Variants in KLHL35 observed in about 807,000 individuals in gnomAD.
KLHL35 encodes the protein kelch-like protein 35.
A neutral mutation model predicts 44.0 loss-of-function variants in KLHL35; 50 were observed. The observed-to-expected ratio is 1.14, with a 90% confidence interval of 0.91 to 1.44. The LOEUF is 1.44. Ranked by LOEUF, KLHL35 falls within the 40% of genes most tolerant of loss-of-function variation. KLHL35 has a pLI of 0.00. For missense variants in KLHL35, 1,049 were observed against 887.8 expected, an observed-to-expected ratio of 1.18 and a Z score of -2.31; for synonymous variants, 470 against 410.4, an observed-to-expected ratio of 1.15 and a Z score of -1.76.
intron 5 of KLHL35, 36 bp from the exon 6 acceptor site, chr11:75,423,916 G>A (rs1192087767): frequency 1.7e-5 from 25 of 1,482,478 alleles, no homozygotes; most frequent in Middle Eastern, 2.0e-4. Context: ...AAGACTCACC[G>A]CCCCCCCCAA....
At position 75,422,467 on chromosome 11, in the gene KLHL35, A is replaced by C; in HGVS notation, c.*113T>G. 1.1e-6 allele frequency: 1 copy of C among 924,254 alleles called. No individual in the cohort carries two copies. The highest frequency in any genetic ancestry group is 1.6e-6 in the Non-Finnish European group (1 of 618,620). The allele number at this position is 924,254 out of a possible 1,614,324, so 57.3% of individuals were successfully genotyped here. On this transcript the variant is annotated 3_prime_UTR_variant, in exon 7 of 7. Coordinates refer to ENST00000539798, the MANE Select transcript of KLHL35 (RefSeq NM_001039548.3). ...CCAACAAGATTTTATTTATACAAGA[A>C]AAGGGACCATTAAGTTAAGGGCTGT... is the stretch of plus-strand genomic sequence containing the variant.
intron 1 of KLHL35, among the ~76,000 whole-genome samples, chr11:75,431,960 T>C (rs978409849): frequency 1.3e-5 from 2 of 152,162 alleles, no homozygotes; most frequent in Non-Finnish European, 2.9e-5. Flanking sequence ...CCCTTTAGTT[T>C]GTCATAAGGG....
chr11:75,423,170 C>CT (rs1554991839), intron 6 of KLHL35: 1 of 214,914 alleles, frequency 4.7e-6, no homozygotes, highest in Non-Finnish European at 9.4e-6. Flanking sequence ...AATCTCACCT[C>CT]TAAGGTCACC....
intron 1 of KLHL35, among the ~76,000 whole-genome samples, chr11:75,431,565 C>T (rs982677619): frequency 3.9e-5 from 6 of 152,234 alleles, no homozygotes; most frequent in African/African-American, 1.2e-4. Context: ...GGAAGCTGGC[C>T]CTCTCTCTAG....
rs2135084644 is a variant in KLHL35, at chr11:75,430,065, C to T, written c.565G>A (p.Ala189Thr). The change falls in exon 2 of 7, where the codon GCC becomes ACC. Residue 189 changes from alanine to threonine, a missense_variant. Coordinates refer to ENST00000539798, the MANE Select transcript of KLHL35 (RefSeq NM_001039548.3). ...RQAFAEVARH[A>T]DFLELAPDEV... ...TCAGGCGCCAGCTCCAGGAAGTCGG[C>T]GTGGCGCGCCACCTCGGCGAAGGCC... 1 of 1,393,810 alleles carries T rather than the reference C, an allele frequency of 7.2e-7. No individual in the cohort carries two copies. Among genetic ancestry groups the T allele is most frequent in the South Asian group, 1.5e-5 (1 of 66,562 alleles). The allele number at this position is 1,393,810 out of a possible 1,614,324, so 86.3% of individuals were successfully genotyped here.
intron 2 of KLHL35, 68 bp downstream of exon 2, chr11:75,429,677 TGAAA>T: frequency 1.5e-6 from 2 of 1,376,378 alleles, no homozygotes; most frequent in Non-Finnish European, 1.9e-6. Flanking sequence ...TAAAAGATGA[TGAAA>T]GAATGAATGA....
chr11:75,424,880 A>T (rs1948476955), intron 5 of KLHL35: 1 of 152,982 alleles, frequency 6.5e-6, no homozygotes, highest in African/African-American at 2.4e-5. Context: ...TAAAGTTGAT[A>T]ATCACGTGGA....
rs1948519948 is a variant in KLHL35, at chr11:75,429,929, T to C, written c.701A>G (p.Gln234Arg). 15 of 1,469,050 alleles carry C rather than the reference T, an allele frequency of 1.0e-5. No individual in the cohort carries two copies. Among genetic ancestry groups the C allele is most frequent in the East Asian group, 3.0e-5 (1 of 33,594 alleles). 91.0% of individuals were successfully genotyped at this position (1,469,050 alleles called of 1,614,324 possible). Residue 234 changes from glutamine to arginine, a missense_variant, in exon 2 of 7, where the codon CAG becomes CGG. Transcript: ENST00000539798. ...VRHDAPARRG[Q>R]LRRLLEHVRL... is the part of the protein sequence containing the mutation. ...CACGTGCTCCAGCAGGCGTCGCAGC[T>C]GGCCGCGGCGGGCCGGCGCGTCGTG...
At chr11:75,426,399 C>A (rs972900900) in intron 4 of KLHL35, 121 bp downstream of exon 4, 4 of 602,506 alleles carry the variant, frequency 6.6e-6, no homozygotes, top group Non-Finnish European at 8.7e-6. Flanking sequence ...TTGGACAAGT[C>A]TCCTTTTTTG....
chr11:75,425,043 T>A (rs373235619), intron 5 of KLHL35: 1 of 33,942 alleles, frequency 2.9e-5, no homozygotes, highest in Non-Finnish European at 5.2e-5. Flanking sequence ...GATTATGGGT[T>A]TTTTTTTTTT....
Position 75,430,444 on chromosome 11 carries a change from G to C in KLHL35, c.186C>G (p.Gly62=). ...FPCHRAALSA[G]SAYFRSLFAA... is the part of the protein sequence containing the mutation. Reference sequence around the variant, plus strand: ...CGAACAAGCTGCGGAAGTAGGCGCTGCCCGCGCTGAGCGCCGCGCGGTGGC... The same window carrying C: ...CGAACAAGCTGCGGAAGTAGGCGCTCCCCGCGCTGAGCGCCGCGCGGTGGC... The change falls in exon 2 of 7, where the codon GGC becomes GGG. Residue 62 remains glycine (G), a synonymous_variant. Coordinates refer to ENST00000539798, the MANE Select transcript of KLHL35 (RefSeq NM_001039548.3). 7.2e-7 allele frequency: 1 copy of C among 1,391,980 alleles called. No homozygotes were observed. The highest frequency in any genetic ancestry group is 9.3e-7 in the Non-Finnish European group (1 of 1,075,866). 86.2% of individuals were successfully genotyped at this position (1,391,980 alleles called of 1,614,324 possible).
intron 3 of KLHL35, among the ~76,000 whole-genome samples, chr11:75,428,088 C>G (rs1357109091): frequency 6.6e-6 from 1 of 152,172 alleles, no homozygotes; most frequent in Non-Finnish European, 1.5e-5. Flanking sequence ...CCTCTCCGAG[C>G]CTTTCTTATC....
In KLHL35 at chr11:75,426,634, G is replaced by A; in HGVS notation, c.1071C>T (p.Gly357=). Residue 357 remains glycine (G), a synonymous_variant, in exon 4 of 7, where the codon GGC becomes GGT. Coordinates refer to ENST00000539798, the MANE Select transcript of KLHL35 (RefSeq NM_001039548.3). ...TCCACACATCATGACTGTTGATGTGGCCTCCTAGGGAGAGAGAAGCAGCTG... is the reference window on the plus strand; with the variant it reads ...TCCACACATCATGACTGTTGATGTGACCTCCTAGGGAGAGAGAAGCAGCTG... The part of the protein sequence containing the change: ...ALRNDVYVSG[G]HINSHDVWMF... 6.3e-7 allele frequency: 1 copy of A among 1,580,882 alleles called. No homozygotes were observed. The highest frequency in any genetic ancestry group is 8.6e-7 in the Non-Finnish European group (1 of 1,162,394).
In KLHL35 at chr11:75,429,939, G is replaced by T. The variant is rs530827990; in HGVS notation, c.691C>A (p.Arg231Ser). 2.1e-6 allele frequency: 3 copies of T among 1,457,836 alleles called. No homozygotes were observed. The highest frequency in any genetic ancestry group is 1.3e-5 in the South Asian group (1 of 74,902). The allele number at this position is 1,457,836 out of a possible 1,614,324, so 90.3% of individuals were successfully genotyped here. Residue 231 changes from arginine (R) to serine (S), a missense_variant, in exon 2 of 7, where the codon CGC (arginine) becomes AGC (serine). Coordinates refer to ENST00000539798, the MANE Select transcript of KLHL35 (RefSeq NM_001039548.3). ...AGCAGGCGTCGCAGCTGGCCGCGGC[G>T]GGCCGGCGCGTCGTGGCGCACCCAG... ...MRWVRHDAPA[R>S]RGQLRRLLEH...
intron 5 of KLHL35, chr11:75,424,426 T>C (rs934570495): frequency 1.3e-5 from 2 of 153,216 alleles, no homozygotes; most frequent in African/African-American, 4.8e-5. Flanking sequence ...AGCTGAGGTG[T>C]CTTGCAGCCC....
intron 4 of KLHL35, chr11:75,425,795 G>A (rs968738135): frequency 1.6e-5 from 7 of 436,978 alleles, no homozygotes; most frequent in Middle Eastern, 5.8e-4. Context: ...CTCATTTAGC[G>A]GGGATGAGAC....
At position 75,422,483 on chromosome 11, in the gene KLHL35, T is replaced by A; in HGVS notation, c.*97A>T. 9.0e-7 allele frequency: 1 copy of A among 1,115,658 alleles called. No homozygotes were observed. The highest frequency in any genetic ancestry group is 1.3e-6 in the Non-Finnish European group (1 of 771,488). 69.1% of individuals were successfully genotyped at this position (1,115,658 alleles called of 1,614,324 possible). ...TATACAAGAAAAGGGACCATTAAGT[T>A]AAGGGCTGTTTGCGTGGAGGTGCCA... On this transcript the variant is annotated 3_prime_UTR_variant, in exon 7 of 7. Transcript: ENST00000539798.
chr11:75,430,468 G>A lies in KLHL35; in HGVS notation c.162C>T (p.Cys54=). 7.2e-7 allele frequency: 1 copy of A among 1,398,376 alleles called. No individual in the cohort carries two copies. Among genetic ancestry groups the A allele is most frequent in the Non-Finnish European group, 9.3e-7 (1 of 1,080,212 alleles). 86.6% of individuals were successfully genotyped at this position (1,398,376 alleles called of 1,614,324 possible). ...TGCCCGCGCTGAGCGCCGCGCGGTG[G>A]CACGGAAAGTCGCGCCCGCCGGCGC... The part of the protein sequence containing the change: ...VLRAGGRDFP[C]HRAALSAGSA... Residue 54 remains cysteine (C), a synonymous_variant, in exon 2 of 7, where the codon TGC becomes TGT. Transcript: ENST00000539798.
intron 3 of KLHL35, 87 bp downstream of exon 3, chr11:75,428,355 T>C: frequency 2.0e-6 from 3 of 1,469,134 alleles, no homozygotes; most frequent in Admixed American, 2.0e-5. Context: ...CGCCCCTCTC[T>C]CCCGATTGGA....
Sources: gnomAD v4.1 joint callset for allele counts (sites outside exome capture counted in the v4.1 genomes callset) on GRCh38, gnomAD v4.1.1 for gene constraint, MANE v1.5 for transcripts, NCBI Gene and HGNC (gene_info 2026-07-23, HGNC 2026-07-21) for gene names.